CTNNB1: variants seen among roughly 807,000 people sequenced by gnomAD.
The protein encoded by CTNNB1 is catenin beta 1.
CTNNB1 carries 6 observed loss-of-function variants against 82.5 expected under a neutral mutation model. That is an observed-to-expected ratio of 0.07 (90% CI 0.04 to 0.14). The LOEUF (loss-of-function observed/expected upper bound fraction) is 0.14. Among genes scored for constraint, CTNNB1 ranks in the 10% least tolerant of loss-of-function variants. The pLI is 1.00. For missense variants in CTNNB1, 529 were observed against 980.4 expected, an observed-to-expected ratio of 0.54 and a Z score of 6.15; for synonymous variants, 312 against 329.7, an observed-to-expected ratio of 0.95 and a Z score of 0.58.
Position 41,240,432 on chromosome 3 carries a change from T to TTTAA in CTNNB1, c.*1093_*1096dup, listed in dbSNP as rs755525886. 1.3e-4 allele frequency: 23 copies of TTTAA among 179,308 alleles called. No individual in the cohort carries two copies. Among genetic ancestry groups the TTTAA allele is most frequent in the Admixed American group, 7.6e-4 (12 of 15,868 alleles). The allele number at this position is 179,308 out of a possible 1,614,324, so 11.1% of individuals were successfully genotyped here. A position where few individuals can be genotyped will look rare whatever the true frequency, so the allele number is the denominator to read the frequency against. On this transcript the variant is annotated 3_prime_UTR_variant, in exon 15 of 15. Coordinates refer to ENST00000349496, the MANE Select transcript of CTNNB1 (RefSeq NM_001904.4). ...ATAAAAAATGGTTCAGAATTAAACT[T>TTTAA]TTAATTCATTCGATTGTGTCACTCT...
chr3:41,226,539 A>C (rs575656649), intron 6 of CTNNB1, among the ~76,000 whole-genome samples: 1 of 152,310 alleles, frequency 6.6e-6, no homozygotes, highest in South Asian at 2.1e-4. Flanking sequence ...AAGGAGATGG[A>C]AAGTTTTGGG....
intron 1 of CTNNB1, among the ~76,000 whole-genome samples, chr3:41,213,478 GCA>G (rs1009943556): frequency 6.6e-6 from 1 of 152,158 alleles, no homozygotes; most frequent in African/African-American, 2.4e-5. Flanking sequence ...TCTCAAGAAT[GCA>G]GGGACCATGT....
At position 41,234,157 on chromosome 3, in the gene CTNNB1, C is replaced by A; in HGVS notation, c.1543C>A (p.Arg515=). 3.1e-6 allele frequency: 5 copies of A among 1,614,156 alleles called. No homozygotes were observed. The South Asian group carries it at 4.4e-5, about 14-fold the overall frequency. The change falls in exon 10 of 15, where the codon CGA becomes AGA. Residue 515 remains arginine, a synonymous_variant. Transcript: ENST00000349496. ...PLIKATVGLI[R]NLALCPANHA... ...TTTTCAGGCTACTGTTGGATTGATT[C>A]GAAATCTTGCCCTTTGTCCCGCAAA... is the stretch of plus-strand genomic sequence containing the variant.
intron 9 of CTNNB1, 59 bp downstream of exon 9, chr3:41,233,926 C>A (rs2125641275): frequency 6.4e-7 from 1 of 1,558,728 alleles, no homozygotes; most frequent in Non-Finnish European, 8.9e-7. Context: ...GCATCTCTAG[C>A]TGTTGGATGG....
At chr3:41,199,777 G>A (rs564434662) in intron 1 of CTNNB1, 107 bp downstream of exon 1, 96 of 152,020 alleles carry the variant, frequency 6.3e-4, no homozygotes, top group African/African-American at 2.2e-3. Flanking sequence ...GGCGCAGCCG[G>A]GAGGCCTGGG....
intron 9 of CTNNB1, 127 bp downstream of exon 9, chr3:41,233,994 T>C (rs1427545345): frequency 1.4e-6 from 2 of 1,417,616 alleles, no homozygotes; most frequent in East Asian, 2.3e-5. Flanking sequence ...GTAGGAAGTA[T>C]GGCTGCGATA....
intron 7 of CTNNB1, among the ~76,000 whole-genome samples, chr3:41,231,341 G>A (rs371598091): frequency 2.2e-4 from 31 of 141,806 alleles, no homozygotes; most frequent in Non-Finnish European, 3.6e-4. Context: ...AAAAAAAAAA[G>A]GGAAAGAGAT....
In CTNNB1 at chr3:41,224,383, C is replaced by A. The variant is rs1478471136; in HGVS notation, c.14-143C>A. 4 of 890,802 alleles carry A rather than the reference C, an allele frequency of 4.5e-6. No individual in the cohort carries two copies. In the Admixed American group the frequency reaches 6.3e-5, roughly 14 times the overall value. The allele number at this position is 890,802 out of a possible 1,614,324, so 55.2% of individuals were successfully genotyped here. On this transcript the variant is annotated intron_variant, in intron 2 of 14. Transcript: ENST00000349496. ...TATTTCATCACTGAGCTAACCCTGG[C>A]TATCATTCTGCTTTTCTTGGCTGTC...
intron 7 of CTNNB1, among the ~76,000 whole-genome samples, chr3:41,231,946 T>G (rs2125635449): frequency 6.6e-6 from 1 of 152,346 alleles, no homozygotes; most frequent in South Asian, 2.1e-4. Context: ...GAAGGCATCC[T>G]TAATTTTTGA....
rs763196547 is a variant in CTNNB1 at position 41,239,126 on chromosome 3, T to G, written c.2138-8T>G. On this transcript the variant is annotated splice_region_variant and splice_polypyrimidine_tract_variant and intron_variant, in intron 14 of 14. Transcript: ENST00000349496. ...TTGCCTATTTTGTTGACACCCTGACTCTTCTAGATCCTAGCTATCGTTCTT... is the reference window on the plus strand; with the variant it reads ...TTGCCTATTTTGTTGACACCCTGACGCTTCTAGATCCTAGCTATCGTTCTT... 1.5e-5 allele frequency: 24 copies of G among 1,613,076 alleles called. No homozygotes were observed. The highest frequency in any genetic ancestry group is 2.0e-5 in the Non-Finnish European group (24 of 1,179,304).
chr3:41,234,041 A>C, intron 9 of CTNNB1, 98 bp from the exon 10 acceptor site: 2 of 1,530,068 alleles, frequency 1.3e-6, no homozygotes, highest in Non-Finnish European at 1.8e-6. Flanking sequence ...AGTCAGAACT[A>C]CTTTTAGTTG....
chr3:41,226,314 T>C (rs1385958070), intron 6 of CTNNB1, among the ~76,000 whole-genome samples: 1 of 152,144 alleles, frequency 6.6e-6, no homozygotes, highest in Non-Finnish European at 1.5e-5. Context: ...TGTTCTTAGG[T>C]GGGATGTAGA....
chr3:41,229,876 C>CTGTG (rs58153157), intron 7 of CTNNB1, among the ~76,000 whole-genome samples: 3,714 of 147,068 alleles, frequency 0.025, 98 homozygotes, highest in African/African-American at 0.07. Flanking sequence ...CTCTTGGGTT[C>CTGTG]TGTGTGTGTG....
At chr3:41,210,897 C>G (rs781537533) in intron 1 of CTNNB1, 2 of 386,102 alleles carry the variant, frequency 5.2e-6, no homozygotes, top group Non-Finnish European at 1.0e-5. Flanking sequence ...TCAAGTGATC[C>G]TCCTACCTCA....
At chr3:41,233,305 A>C (rs1447643875) in intron 7 of CTNNB1, 36 bp from the exon 8 acceptor site, 5 of 1,571,114 alleles carry the variant, frequency 3.2e-6, no homozygotes, top group Non-Finnish European at 4.4e-6. Context: ...ACTTCTAGCT[A>C]ATGACTAGGG....
chr3:41,205,260 C>T (rs2077622377), intron 1 of CTNNB1, among the ~76,000 whole-genome samples: 1 of 152,136 alleles, frequency 6.6e-6, no homozygotes, highest in Non-Finnish European at 1.5e-5. Flanking sequence ...AGATCCAAAA[C>T]TTAAAAACAG....
chr3:41,230,855 A>G (rs1313738632), intron 7 of CTNNB1, among the ~76,000 whole-genome samples: 1 of 152,240 alleles, frequency 6.6e-6, no homozygotes, highest in Non-Finnish European at 1.5e-5. Flanking sequence ...TGGAAGAAGA[A>G]TAATTGTCTT....
chr3:41,216,748 A>G (rs2077925188), intron 1 of CTNNB1, among the ~76,000 whole-genome samples: 1 of 152,208 alleles, frequency 6.6e-6, no homozygotes, highest in Admixed American at 6.5e-5. Flanking sequence ...GATATTTCTA[A>G]TAATTTATGT....
At chr3:41,227,757 G>A (rs1225870212) in intron 7 of CTNNB1, among the ~76,000 whole-genome samples, 4 of 152,122 alleles carry the variant, frequency 2.6e-5, no homozygotes, top group Non-Finnish European at 5.9e-5. Context: ...TTTAGGTTCC[G>A]GGTAATGTGC....
Sources: gnomAD v4.1 joint callset for allele counts (sites outside exome capture counted in the v4.1 genomes callset) on GRCh38, gnomAD v4.1.1 for gene constraint, MANE v1.5 for transcripts, NCBI Gene and HGNC (gene_info 2026-07-23, HGNC 2026-07-21) for gene names.